DACH1: variants seen among roughly 807,000 people sequenced by gnomAD.
DACH1 encodes the protein dachshund family transcription factor 1.
Under a neutral mutation model 54.2 loss-of-function variants are expected in DACH1, and 12 were observed. The ratio of observed to expected loss-of-function variants is 0.22; its 90% CI spans 0.14 to 0.36. The LOEUF (loss-of-function observed/expected upper bound fraction) is 0.36, where lower values mean the gene tolerates loss of function less well. Among genes scored for constraint, DACH1 ranks in the 10% least tolerant of loss-of-function variants. DACH1 has a pLI of 1.00. For missense variants in DACH1, 805 were observed against 929.8 expected, an observed-to-expected ratio of 0.87 and a Z score of 1.75; for synonymous variants, 386 against 366.2, an observed-to-expected ratio of 1.05 and a Z score of -0.62.
intron 3 of DACH1, among the ~76,000 whole-genome samples, chr13:71,594,350 T>C (rs1268112326): frequency 6.6e-6 from 1 of 152,106 alleles, no homozygotes; most frequent in Non-Finnish European, 1.5e-5. Flanking sequence ...TGCATTTATT[T>C]ATAATTGCAT....
At position 71,492,742 on chromosome 13, in the gene DACH1, AGT is replaced by A. The variant is rs112271287; in HGVS notation, c.1571-3596_1571-3595del. On this transcript the variant is annotated intron_variant, in intron 6 of 10. Coordinates refer to ENST00000613252, the MANE Select transcript of DACH1 (RefSeq NM_080759.6). ...CCCTCTCTTGTTCTGTGTGTGTGTGAGTGTGTGTGTGTGTGTGTGAGTGTATG... is the reference window on the plus strand; with the variant it reads ...CCCTCTCTTGTTCTGTGTGTGTGTGAGTGTGTGTGTGTGTGTGAGTGTATG... Among the ~76,000 whole-genome samples, 921 of 139,536 alleles carry A rather than the reference AGT, an allele frequency of 6.6e-3. 4 individuals are homozygous for A. Among genetic ancestry groups the A allele is most frequent in the Non-Finnish European group, 8.7e-3 (551 of 63,504 alleles). 91.5% of individuals were successfully genotyped at this position (139,536 alleles called of 152,430 possible).
chr13:71,593,197 G>T (rs115879273), intron 3 of DACH1, among the ~76,000 whole-genome samples: 191 of 152,124 alleles, frequency 1.3e-3, no homozygotes, highest in African/African-American at 4.4e-3. Flanking sequence ...AGAAAGAGAG[G>T]AACATCCTTT....
At chr13:71,492,735 G>A (rs1449490321) in intron 6 of DACH1, among the ~76,000 whole-genome samples, 3 of 150,678 alleles carry the variant, frequency 2.0e-5, no homozygotes, top group Non-Finnish European at 4.4e-5. Flanking sequence ...TGTTCTGTGT[G>A]TGTGTGAGTG....
chr13:71,606,422 G>T (rs1874885371), intron 3 of DACH1, among the ~76,000 whole-genome samples: 1 of 151,838 alleles, frequency 6.6e-6, no homozygotes, highest in African/African-American at 2.4e-5. Flanking sequence ...ATCTACAATA[G>T]AACTATTTTC....
intron 6 of DACH1, among the ~76,000 whole-genome samples, chr13:71,494,445 G>A (rs1259926581): frequency 2.6e-5 from 4 of 151,966 alleles, no homozygotes; most frequent in Non-Finnish European, 4.4e-5. Flanking sequence ...AATAAGTTTC[G>A]TGTTAGATGA....
Position 71,559,873 on chromosome 13 carries a change from C to T in DACH1, c.1382G>A (p.Ser461Asn). The T allele has an allele frequency of 6.2e-7, 1 of 1,613,162 alleles. No homozygotes were observed. Residue 461 changes from serine to asparagine, a missense_variant, in exon 5 of 11, where the codon AGC (serine) becomes AAC (asparagine). Around this residue, in one of 3 missense-constraint regions of DACH1, gnomAD observed 472 missense variants for 545.3 expected, o/e 0.87. Transcript: ENST00000613252. Reference protein sequence around the residue: ...RPGSHPSSHRSSSVSSSPART... With the variant: ...RPGSHPSSHRNSSVSSSPART... ...AGCAGGGGAGCTGGACACGCTGCTGCTGCGATGTGATGATGGGTGACTGCC... is the reference window on the plus strand; with the variant it reads ...AGCAGGGGAGCTGGACACGCTGCTGTTGCGATGTGATGATGGGTGACTGCC...
chr13:71,441,812 G>A (rs1023607787), intron 10 of DACH1, among the ~76,000 whole-genome samples: 14 of 151,900 alleles, frequency 9.2e-5, no homozygotes, highest in African/African-American at 2.4e-4. Context: ...AAATCATGTC[G>A]TACTTCATAG....
chr13:71,790,462 G>A (rs1461644299), intron 1 of DACH1, among the ~76,000 whole-genome samples: 1 of 152,060 alleles, frequency 6.6e-6, no homozygotes, highest in Admixed American at 6.5e-5. Flanking sequence ...AGAGTTTCAC[G>A]TTTTGGCCTT....
chr13:71,829,456 G>T (rs987702170), intron 1 of DACH1, among the ~76,000 whole-genome samples: 1 of 151,882 alleles, frequency 6.6e-6, no homozygotes, highest in African/African-American at 2.4e-5. Context: ...AACTAAGTAC[G>T]TACTGGGAAT....
intron 1 of DACH1, among the ~76,000 whole-genome samples, chr13:71,735,372 A>G (rs1884017006): frequency 2.8e-5 from 1 of 35,658 alleles, no homozygotes; most frequent in African/African-American, 6.9e-5. Flanking sequence ...CGTATACGGG[A>G]TATACGTGTA....
At chr13:71,533,481 T>C (rs1882550482) in intron 6 of DACH1, among the ~76,000 whole-genome samples, 2 of 152,066 alleles carry the variant, frequency 1.3e-5, no homozygotes, top group South Asian at 2.1e-4. Context: ...TACTATGATG[T>C]TGATATTACT....
At chr13:71,582,930 GA>G (rs1466821971) in intron 3 of DACH1, among the ~76,000 whole-genome samples, 6 of 152,164 alleles carry the variant, frequency 3.9e-5, no homozygotes, top group Non-Finnish European at 8.8e-5. Flanking sequence ...CCAATTTGGG[GA>G]AAATACAAGC....
At chr13:71,729,313 A>G (rs967428265) in intron 1 of DACH1, among the ~76,000 whole-genome samples, 2 of 152,068 alleles carry the variant, frequency 1.3e-5, no homozygotes, top group African/African-American at 4.8e-5. Flanking sequence ...AATGCAATCT[A>G]TCTAGTCCAC....
At chr13:71,482,332 T>G (rs1044940580) in intron 7 of DACH1, among the ~76,000 whole-genome samples, 1 of 152,168 alleles carries the variant, frequency 6.6e-6, no homozygotes, top group Non-Finnish European at 1.5e-5. Flanking sequence ...CAAATAATAC[T>G]GCTAAGAAAC....
At chr13:71,611,015 G>T (rs919131803) in intron 3 of DACH1, among the ~76,000 whole-genome samples, 4 of 152,144 alleles carry the variant, frequency 2.6e-5, no homozygotes, top group Non-Finnish European at 4.4e-5. Flanking sequence ...GCATATCACA[G>T]TCAGAATGAG....
At chr13:71,457,345 G>A (rs1875661721) in intron 10 of DACH1, among the ~76,000 whole-genome samples, 1 of 151,892 alleles carries the variant, frequency 6.6e-6, no homozygotes, top group South Asian at 2.1e-4. Context: ...AAAATCTGCA[G>A]AATCAACAAA....
chr13:71,694,195 AAC>A (rs374382945), intron 1 of DACH1, among the ~76,000 whole-genome samples: 6,005 of 150,494 alleles, frequency 0.04, 372 homozygotes, highest in African/African-American at 0.14. Context: ...GAAACCTGTA[AAC>A]ACACACACAC....
rs760790429 is a variant in DACH1, at chr13:71,817,506, T to G, written c.848+48416A>C. On this transcript the variant is annotated intron_variant, in intron 1 of 10. Coordinates refer to ENST00000613252, the MANE Select transcript of DACH1 (RefSeq NM_080759.6). ...TAGTTCTAGGGACACACCAGGGAACTAGGCCTGCACTCAACAATGTCGCAA... is the reference window on the plus strand; with the variant it reads ...TAGTTCTAGGGACACACCAGGGAACGAGGCCTGCACTCAACAATGTCGCAA... Among the ~76,000 whole-genome samples the G allele has an allele frequency of 5.3e-5, 8 of 152,314 alleles. No individual in the cohort carries two copies. In the South Asian group the frequency reaches 1.2e-3, roughly 24 times the overall value.
chr13:71,809,510 A>G (rs1398437896), intron 1 of DACH1, among the ~76,000 whole-genome samples: 1 of 152,192 alleles, frequency 6.6e-6, no homozygotes, highest in Non-Finnish European at 1.5e-5. Context: ...CACTTTTGAA[A>G]TTAAGTTGAA....
Sources: gnomAD v4.1 joint callset for allele counts (sites outside exome capture counted in the v4.1 genomes callset) on GRCh38, gnomAD v4.1.1 for gene constraint, gnomAD v4.1.1 regional missense constraint, MANE v1.5 for transcripts, NCBI Gene and HGNC (gene_info 2026-07-23, HGNC 2026-07-21) for gene names.